The following FRMPD4 variants were observed in gnomAD, a reference collection of about 807,000 sequenced individuals.
FRMPD4 encodes the protein FERM and PDZ domain containing 4.
Under a neutral mutation model 94.1 loss-of-function variants are expected in FRMPD4, and 22 were observed. The ratio of observed to expected loss-of-function variants is 0.23; its 90% CI spans 0.17 to 0.33. FRMPD4 has a LOEUF of 0.33. FRMPD4 is among the 10% of genes least tolerant of loss of function. The pLI is 1.00. For missense variants in FRMPD4, 1,111 were observed against 1,339.9 expected (o/e 0.83, Z 2.67); for synonymous variants, 631 against 548.6 (o/e 1.15, Z -2.10).
chrX:12,564,513 C>T (rs1043717483), intron 2 of FRMPD4, among the ~76,000 whole-genome samples: 8 of 111,760 alleles, frequency 7.2e-5, no homozygotes, highest in African/African-American at 2.6e-4. Flanking sequence ...CACATAAGTG[C>T]AACATTTTTC....
intron 3 of FRMPD4, among the ~76,000 whole-genome samples, chrX:12,095,257 G>A (rs890202593): frequency 2.8e-5 from 3 of 108,753 alleles, no homozygotes; most frequent in African/African-American, 6.7e-5. Flanking sequence ...ACATGCTTGC[G>A]GTCCCAGCTA....
At chrX:12,061,446 G>T (rs1309756004) in intron 3 of FRMPD4, among the ~76,000 whole-genome samples, 2 of 111,689 alleles carry the variant, frequency 1.8e-5, no homozygotes, top group Non-Finnish European at 3.8e-5. Context: ...TGCAAAAGAG[G>T]CATATTTTGG....
chrX:12,136,442 C>G (rs1386851738), upstream of FRMPD4, among the ~76,000 whole-genome samples: 1 of 110,810 alleles, frequency 9.0e-6, no homozygotes, highest in Non-Finnish European at 1.9e-5. Flanking sequence ...ACTCGGAGTC[C>G]AGGGTGTGAG....
At chrX:12,455,457 T>C (rs887269802) in intron 1 of FRMPD4, among the ~76,000 whole-genome samples, 2 of 112,205 alleles carry the variant, frequency 1.8e-5, no homozygotes, top group African/African-American at 6.5e-5. Flanking sequence ...TGTTAAGTCC[T>C]CATCATTCAT....
chrX:12,587,255 G>A (rs1209183177), intron 2 of FRMPD4, among the ~76,000 whole-genome samples: 3 of 111,812 alleles, frequency 2.7e-5, no homozygotes, highest in Admixed American at 1.9e-4. Flanking sequence ...GATTACAGGC[G>A]TGAGCCACCG....
At chrX:12,428,002 C>T (rs773291261) in intron 1 of FRMPD4, among the ~76,000 whole-genome samples, 117 of 95,426 alleles carry the variant, frequency 1.2e-3, no homozygotes, top group African/African-American at 4.1e-3. Context: ...CTCCGCCTCC[C>T]GGGTTCACAC....
intron 1 of FRMPD4, among the ~76,000 whole-genome samples, chrX:12,148,621 C>T (rs1419997017): frequency 8.9e-6 from 1 of 112,702 alleles, no homozygotes; most frequent in Non-Finnish European, 1.9e-5. Flanking sequence ...CTACACTAAA[C>T]CGCAGATTTT....
chrX:12,006,268 T>C (rs1391710748), intron 3 of FRMPD4, among the ~76,000 whole-genome samples: 2 of 112,672 alleles, frequency 1.8e-5, no homozygotes, highest in South Asian at 3.7e-4. Context: ...ATTCTTATGA[T>C]GGAAGTTGAT....
chrX:12,411,691 T>C (rs1398101765), intron 1 of FRMPD4, among the ~76,000 whole-genome samples: 1 of 111,843 alleles, frequency 8.9e-6, no homozygotes, highest in African/African-American at 3.2e-5. Context: ...GTACTCAGGA[T>C]GCAATATGGT....
intron 1 of FRMPD4, among the ~76,000 whole-genome samples, chrX:12,142,783 A>ATCTC (rs760619855): frequency 1.8e-5 from 2 of 110,057 alleles, no homozygotes; most frequent in African/African-American, 6.6e-5. Flanking sequence ...CATTTCAAGC[A>ATCTC]TCTCTCTCTC....
In FRMPD4 at chrX:12,172,099, T is replaced by A. The variant is rs768259039; in HGVS notation, c.41+33087T>A. 5.1e-4 allele frequency among the ~76,000 whole-genome samples: 57 copies of A among 111,372 alleles called. 1 individual carries two copies. In the South Asian group the frequency reaches 0.021, roughly 41 times the overall value. On this transcript the variant is annotated intron_variant, in intron 1 of 16. Transcript: ENST00000675598. Reference sequence around the variant, plus strand: ...GTGGTACACTGTTGATGCTTTAGGGTTAGTTATATCTTAACCAATGCATAG... The same window carrying A: ...GTGGTACACTGTTGATGCTTTAGGGATAGTTATATCTTAACCAATGCATAG...
intron 2 of FRMPD4, among the ~76,000 whole-genome samples, chrX:11,867,699 C>T (rs1203732032): frequency 8.9e-6 from 1 of 112,025 alleles, no homozygotes; most frequent in East Asian, 2.8e-4. Context: ...CCCTGTGGAG[C>T]GTGTCCCCTG....
chrX:12,397,354 A>G (rs938741247), intron 1 of FRMPD4, among the ~76,000 whole-genome samples: 1 of 111,938 alleles, frequency 8.9e-6, no homozygotes, highest in African/African-American at 3.2e-5. Flanking sequence ...CTGTGTAACA[A>G]CAATCAACTA....
At chrX:12,458,421 G>A (rs753779793) in intron 1 of FRMPD4, among the ~76,000 whole-genome samples, 6 of 111,739 alleles carry the variant, frequency 5.4e-5, no homozygotes, top group Non-Finnish European at 9.4e-5. Flanking sequence ...ATCTATCACT[G>A]GGTAACCACA....
At chrX:12,495,431 C>T (rs2057837619) in intron 1 of FRMPD4, among the ~76,000 whole-genome samples, 2 of 111,698 alleles carry the variant, frequency 1.8e-5, no homozygotes, top group Non-Finnish European at 3.8e-5. Flanking sequence ...TGTTCAAGGT[C>T]GTGGAAAATA....
At chrX:12,070,004 GACAA>G (rs1230649302) in intron 3 of FRMPD4, among the ~76,000 whole-genome samples, 6 of 111,582 alleles carry the variant, frequency 5.4e-5, no homozygotes, top group African/African-American at 1.3e-4. Context: ...CCTTTCTAAA[GACAA>G]ACAAAGAAAT....
chrX:12,253,037 C>CA (rs777133866), intron 1 of FRMPD4, among the ~76,000 whole-genome samples: 2 of 111,940 alleles, frequency 1.8e-5, no homozygotes, highest in African/African-American at 6.5e-5. Flanking sequence ...GGAAAAGACA[C>CA]AAAAAAATGT....
At chrX:12,090,915 A>C (rs2055148821) in intron 3 of FRMPD4, among the ~76,000 whole-genome samples, 1 of 112,497 alleles carries the variant, frequency 8.9e-6, no homozygotes. Flanking sequence ...TTAGTTTATT[A>C]AGCATGAAAG....
intron 3 of FRMPD4, among the ~76,000 whole-genome samples, chrX:12,040,237 TTATAAC>T (rs1212754506): frequency 9.1e-6 from 1 of 110,260 alleles, no homozygotes; most frequent in African/African-American, 3.3e-5. Context: ...ACATACATGT[TTATAAC>T]TATTATGTCT....
Sources: gnomAD v4.1 joint callset for allele counts (sites outside exome capture counted in the v4.1 genomes callset) on GRCh38, gnomAD v4.1.1 for gene constraint, MANE v1.5 for transcripts, NCBI Gene and HGNC (gene_info 2026-07-23, HGNC 2026-07-21) for gene names.